The following QTMAN variants were observed in gnomAD, a reference collection of about 807,000 sequenced individuals.
QTMAN encodes tRNA-queuosine alpha-mannosyltransferase.
chr2:143,957,443 T>C, the QTMAN span: 3 of 609,114 alleles, frequency 4.9e-6, no homozygotes, highest in Non-Finnish European at 7.5e-6. Flanking sequence ...AGCTGCTGCT[T>C]ATTTTAACGA....
At chr2:144,028,262 C>A in the QTMAN span, among the ~76,000 whole-genome samples, 2 of 152,134 alleles carry the variant, frequency 1.3e-5, no homozygotes, top group East Asian at 3.8e-4. Context: ...GGAAAGTGTT[C>A]AGCATAGTGG....
chr2:144,071,031 T>C, the QTMAN span, among the ~76,000 whole-genome samples: 9 of 152,152 alleles, frequency 5.9e-5, no homozygotes, highest in Admixed American at 5.2e-4. Flanking sequence ...AGAGGGTTGT[T>C]ATTTACAGGG....
the QTMAN span, chr2:144,317,417 G>GGAAGGAAGGAAGGAA: frequency 1.3e-5 from 2 of 151,628 alleles, no homozygotes; most frequent in African/African-American, 4.9e-5. Context: ...AAGGAAGGAA[G>GGAAGGAAGGAAGGAA]GAAGGAAGGA....
the QTMAN span, among the ~76,000 whole-genome samples, chr2:144,087,180 T>C: frequency 6.6e-6 from 1 of 151,968 alleles, no homozygotes; most frequent in Non-Finnish European, 1.5e-5. Context: ...TAAAGGACAA[T>C]GAGGAAATAC....
the QTMAN span, among the ~76,000 whole-genome samples, chr2:144,218,915 T>TAAAAAA: frequency 3.8e-4 from 21 of 54,612 alleles, no homozygotes; most frequent in Non-Finnish European, 5.8e-4. Context: ...GGAAAGTATC[T>TAAAAAA]AAAAAAAAAA....
At chr2:144,122,979 C>A in the QTMAN span, among the ~76,000 whole-genome samples, 1 of 152,238 alleles carries the variant, frequency 6.6e-6, no homozygotes, top group East Asian at 1.9e-4. Context: ...CATACACACA[C>A]GCACCCCTCT....
chr2:144,306,597 T>C, the QTMAN span, among the ~76,000 whole-genome samples: 1 of 152,108 alleles, frequency 6.6e-6, no homozygotes, highest in Non-Finnish European at 1.5e-5. Flanking sequence ...CTGAATACCA[T>C]TGTGAGTTAG....
the QTMAN span, among the ~76,000 whole-genome samples, chr2:143,985,915 G>C: frequency 6.6e-6 from 1 of 152,100 alleles, no homozygotes; most frequent in Non-Finnish European, 1.5e-5. Flanking sequence ...TTAGATTTGG[G>C]AAGTATTTAA....
At chr2:144,202,320 G>C in the QTMAN span, among the ~76,000 whole-genome samples, 1 of 152,152 alleles carries the variant, frequency 6.6e-6, no homozygotes, top group Non-Finnish European at 1.5e-5. Flanking sequence ...TAAACATATT[G>C]ACTAAGACCT....
chr2:144,064,627 A>T, the QTMAN span, among the ~76,000 whole-genome samples: 1 of 152,214 alleles, frequency 6.6e-6, no homozygotes, highest in Non-Finnish European at 1.5e-5. Context: ...ATATAGAAGT[A>T]GGGAATGCTC....
chr2:144,075,512 T>C, the QTMAN span, among the ~76,000 whole-genome samples: 2 of 152,198 alleles, frequency 1.3e-5, no homozygotes, highest in Non-Finnish European at 2.9e-5. Context: ...TTTTTTAATA[T>C]AGATGTTTGT....
chr2:144,201,282 G>C, the QTMAN span, among the ~76,000 whole-genome samples: 1 of 152,172 alleles, frequency 6.6e-6, no homozygotes, highest in Non-Finnish European at 1.5e-5. Flanking sequence ...GGGGGCATGA[G>C]TAAGTATTGC....
At chr2:144,181,691 G>C in the QTMAN span, among the ~76,000 whole-genome samples, 34 of 152,010 alleles carry the variant, frequency 2.2e-4, no homozygotes, top group Admixed American at 2.2e-3. Flanking sequence ...CATGCCTGTA[G>C]TGTCAGCTTC....
chr2:144,116,724 T>C, the QTMAN span, among the ~76,000 whole-genome samples: 1 of 152,216 alleles, frequency 6.6e-6, no homozygotes, highest in South Asian at 2.1e-4. Context: ...AGATTGTGCA[T>C]TTCTTCATAA....
the QTMAN span, among the ~76,000 whole-genome samples, chr2:144,048,086 T>G: frequency 1.3e-5 from 2 of 152,196 alleles, no homozygotes; most frequent in Admixed American, 1.3e-4. Flanking sequence ...AAGTACGTAC[T>G]AAGTGTCCAG....
chr2:144,024,299 C>A, the QTMAN span, among the ~76,000 whole-genome samples: 1 of 152,192 alleles, frequency 6.6e-6, no homozygotes, highest in Admixed American at 6.5e-5. Context: ...AAAATCAACT[C>A]TGTTGTCTAG....
the QTMAN span, among the ~76,000 whole-genome samples, chr2:144,236,215 T>C: frequency 1.1e-4 from 16 of 152,072 alleles, no homozygotes; most frequent in African/African-American, 3.1e-4. Flanking sequence ...GGAATGCATA[T>C]GGATGAGCAT....
the QTMAN span, among the ~76,000 whole-genome samples, chr2:144,110,649 T>C: frequency 1.3e-5 from 2 of 151,196 alleles, no homozygotes; most frequent in Admixed American, 1.3e-4. Context: ...GAAGGACTAT[T>C]CTTCTCCACA....
chr2:143,952,635 T>C, the QTMAN span: 18 of 696,556 alleles, frequency 2.6e-5, no homozygotes, highest in East Asian at 3.3e-4. Context: ...TTAAAACACA[T>C]AAAATTTTCC....
Sources: gnomAD v4.1 joint callset for allele counts (sites outside exome capture counted in the v4.1 genomes callset) on GRCh38, gnomAD v4.1.1 for gene constraint, MANE v1.5 for transcripts, NCBI Gene and HGNC (gene_info 2026-07-23, HGNC 2026-07-21) for gene names.